The following ITPR3 variants were observed in gnomAD, a reference collection of about 807,000 sequenced individuals.
ITPR3 encodes inositol 1,4,5-trisphosphate-gated calcium channel ITPR3.
In ITPR3, 173 loss-of-function variants were observed where a neutral mutation model predicts 293.2. That is an observed-to-expected ratio of 0.59 (90% confidence interval 0.52 to 0.67). The LOEUF (loss-of-function observed/expected upper bound fraction) is 0.67, where lower values mean the gene tolerates loss of function less well. ITPR3 is among the 30% of genes least tolerant of loss of function. The probability of loss-of-function intolerance (pLI) is 0.00; values close to 1 mark genes in which losing one functional copy is unlikely to be tolerated. For missense variants in ITPR3, 2,796 were observed against 3,592.1 expected, an observed-to-expected ratio of 0.78 and a Z score of 5.66; for synonymous variants, 1,295 against 1,444.4, an observed-to-expected ratio of 0.90 and a Z score of 2.35.
chr6:33,661,181 T>C (rs1201404419), intron 7 of ITPR3, among the ~76,000 whole-genome samples: 1 of 152,240 alleles, frequency 6.6e-6, no homozygotes, highest in Non-Finnish European at 1.5e-5. Flanking sequence ...CATTCATTCA[T>C]GCATTCTTGC....
chr6:33,673,756 C>T (rs1324447697), intron 23 of ITPR3, 36 bp downstream of exon 23: 5 of 1,610,676 alleles, frequency 3.1e-6, no homozygotes, highest in Admixed American at 1.7e-5. Flanking sequence ...TGAGGCTGTG[C>T]GACTCTCCCA....
At position 33,676,919 on chromosome 6, in the gene ITPR3, A is replaced by G. The variant is rs1373945918; in HGVS notation, c.3434A>G (p.Lys1145Arg). The change falls in exon 26 of 58, where the codon AAG (lysine) becomes AGG (arginine). Residue 1145 changes from lysine (K) to arginine (R), a missense_variant. Coordinates refer to ENST00000605930, the MANE Select transcript of ITPR3 (RefSeq NM_002224.4). ...GAGGAGGTGGAGGCAGGCGCCGCCA[A>G]GGACAAGAAAGAGGTAAGTGGGGCT... ...KGEEVEAGAA[K>R]DKKERPTDEE... 1 of 1,613,992 alleles carries G rather than the reference A, an allele frequency of 6.2e-7. No homozygotes were observed. Among genetic ancestry groups the G allele is most frequent in the African/African-American group, 1.3e-5 (1 of 74,936 alleles).
Position 33,683,065 on chromosome 6 carries a change from G to T in ITPR3, c.4598-142G>T. The T allele has an allele frequency of 1.9e-6, 1 of 523,166 alleles. No homozygotes were observed. The highest frequency in any genetic ancestry group is 3.0e-6 in the Non-Finnish European group (1 of 333,766). The allele number at this position is 523,166 out of a possible 1,614,324, so 32.4% of individuals were successfully genotyped here. ...AAAGCCTCTCAGTCCCTCAAGCATA[G>T]GCCGGGGTGGGGGGGGTCTCTGTCT... On this transcript the variant is annotated intron_variant, in intron 34 of 57. Transcript: ENST00000605930. This position sits in a 1 kb window ranked among gnomAD's most constrained non-coding sequence, Gnocchi z 4.5.
In ITPR3 at chr6:33,624,749, G is replaced by A. The variant is rs531235208; in HGVS notation, c.89+3058G>A. Among the ~76,000 whole-genome samples the A allele has an allele frequency of 6.6e-6, 1 of 152,374 alleles. No homozygotes were observed. Among genetic ancestry groups the A allele is most frequent in the East Asian group, 1.9e-4 (1 of 5,188 alleles). Reference sequence around the variant, plus strand: ...CAGTAAGGGCTGGATAAAAATGAATGTGTTGAAGGCAGGGGTGGCCTTGGT... The same window carrying A: ...CAGTAAGGGCTGGATAAAAATGAATATGTTGAAGGCAGGGGTGGCCTTGGT... On this transcript the variant is annotated intron_variant, in intron 1 of 57. Coordinates refer to ENST00000605930, the MANE Select transcript of ITPR3 (RefSeq NM_002224.4). The surrounding 1 kb of genome is among the most constrained non-coding windows in gnomAD (Gnocchi z 4.7).
At position 33,670,295 on chromosome 6, in the gene ITPR3, C is replaced by T. The variant is rs199996297; in HGVS notation, c.2190-30C>T. The T allele has an allele frequency of 1.4e-4, 218 of 1,612,750 alleles. 1 individual carries two copies. Among genetic ancestry groups the T allele is most frequent in the East Asian group, 4.5e-5 (2 of 44,886 alleles). On this transcript the variant is annotated intron_variant, in intron 18 of 57. Transcript: ENST00000605930. The surrounding 1 kb of genome is among the most constrained non-coding windows in gnomAD (Gnocchi z 6.7). ...CAGCAGCCTCCCGGCTGCCATCTGCCGTGTCCTCACAGTCCTCCCTGTCCT... is the reference window on the plus strand; with the variant it reads ...CAGCAGCCTCCCGGCTGCCATCTGCTGTGTCCTCACAGTCCTCCCTGTCCT...
chr6:33,623,409 C>G (rs2151272989), intron 1 of ITPR3, among the ~76,000 whole-genome samples: 1 of 150,024 alleles, frequency 6.7e-6, no homozygotes, highest in Non-Finnish European at 1.5e-5. Flanking sequence ...TTACTGCAGC[C>G]TCGACCTCTG....
Position 33,680,436 on chromosome 6 carries a change from C to T in ITPR3, c.4332C>T (p.Phe1444=), listed in dbSNP as rs142448926. The T allele has an allele frequency of 8.7e-6, 14 of 1,613,410 alleles. No individual in the cohort carries two copies. Among genetic ancestry groups the T allele is most frequent in the Non-Finnish European group, 1.2e-5 (14 of 1,180,016 alleles). ...SNHIWTLFEN[F]TLDMARVCSK... ...ACATCTGGACGCTCTTTGAGAACTT[C>T]ACCCTGGACATGGCCCGGGTCTGTC... Residue 1444 remains phenylalanine, a synonymous_variant, in exon 32 of 58, where the codon TTC becomes TTT. Transcript: ENST00000605930.
At position 33,684,799 on chromosome 6, in the gene ITPR3, C is replaced by T. The variant is rs750999144; in HGVS notation, c.5163C>T (p.Ile1721=). The T allele has an allele frequency of 1.9e-6, 3 of 1,612,590 alleles. No individual in the cohort carries two copies. The highest frequency in any genetic ancestry group is 2.5e-6 in the Non-Finnish European group (3 of 1,179,180). Residue 1721 remains isoleucine, a synonymous_variant, in exon 39 of 58, where the codon ATC becomes ATT. Coordinates refer to ENST00000605930, the MANE Select transcript of ITPR3 (RefSeq NM_002224.4). The surrounding 1 kb of genome is among the most constrained non-coding windows in gnomAD (Gnocchi z 4.2). ...GCCTGGACCCAGACTGGTCGGCAAT[C>T]GCAGCCACCCAGTGCCGGCTGGACA... ...GTGLDPDWSA[I]AATQCRLDKE...
In ITPR3 at chr6:33,632,004, A is replaced by G. The variant is rs529286907; in HGVS notation, c.90-8480A>G. On this transcript the variant is annotated intron_variant, in intron 1 of 57. Transcript: ENST00000605930. The surrounding 1 kb of genome is among the most constrained non-coding windows in gnomAD (Gnocchi z 4.1). ...TTGTCCATGATCATCTCTATATCTA[A>G]TTTGTATTATGACTATTCTTATTCT... Among the ~76,000 whole-genome samples, 81 of 152,296 alleles carry G rather than the reference A, an allele frequency of 5.3e-4. No homozygotes were observed. The highest frequency in any genetic ancestry group is 1.9e-3 in the African/African-American group (79 of 41,550).
chr6:33,683,548 GGCT>G lies in ITPR3; in HGVS notation c.4788+155_4788+157del, dbSNP rs1765139679. ...GCTGGTTGGCTTCTCTACACTCTGGGGCTGCTAAGGGCCGACCCAGCAGCAAGG... is the reference window on the plus strand; with the variant it reads ...GCTGGTTGGCTTCTCTACACTCTGGGGCTAAGGGCCGACCCAGCAGCAAGG... On this transcript the variant is annotated intron_variant, in intron 35 of 57. Transcript: ENST00000605930. This position sits in a 1 kb window ranked among gnomAD's most constrained non-coding sequence, Gnocchi z 4.5. 11 of 685,714 alleles carry G rather than the reference GGCT, an allele frequency of 1.6e-5. No individual in the cohort carries two copies. The South Asian group carries it at 2.2e-4, about 14-fold the overall frequency. The allele number at this position is 685,714 out of a possible 1,614,324, so 42.5% of individuals were successfully genotyped here. A position where few individuals can be genotyped will look rare whatever the true frequency, so the allele number is the denominator to read the frequency against.
At position 33,691,857 on chromosome 6, in the gene ITPR3, G is replaced by A. The variant is rs775672173; in HGVS notation, c.7387G>A (p.Val2463Ile). 1.6e-5 allele frequency: 26 copies of A among 1,614,028 alleles called. No homozygotes were observed. Among genetic ancestry groups the A allele is most frequent in the Middle Eastern group, 1.6e-4 (1 of 6,084 alleles). Reference protein sequence around the residue: ...RACDTLLMCIVTVMNHGLRNG... With the variant: ...RACDTLLMCIITVMNHGLRNG... ...CTGTGACACTCTGTTGATGTGCATC[G>A]TCACTGTCATGAACCATGGGCTACG... The change falls in exon 54 of 58, where the codon GTC (valine) becomes ATC (isoleucine). Residue 2463 changes from valine to isoleucine, a missense_variant. By Grantham distance (29) the Val-to-Ile change is conservative (BLOSUM62 3). Around this residue, in one of 8 missense-constraint regions of ITPR3, gnomAD observed 568 missense variants for 796.1 expected, o/e 0.71. Coordinates refer to ENST00000605930, the MANE Select transcript of ITPR3 (RefSeq NM_002224.4). This position sits in a 1 kb window ranked among gnomAD's most constrained non-coding sequence, Gnocchi z 4.9.
Position 33,687,125 on chromosome 6 carries a change from A to G in ITPR3, c.6075+21A>G. 2 of 1,611,544 alleles carry G rather than the reference A, an allele frequency of 1.2e-6. No homozygotes were observed. Among genetic ancestry groups the G allele is most frequent in the South Asian group, 2.2e-5 (2 of 90,978 alleles). ...AGCTGGTGAGGCTGGGCAGGTGGGC[A>G]GGCGGGCGGAACCAGGTGGAGTGTG... On this transcript the variant is annotated intron_variant, in intron 44 of 57. Transcript: ENST00000605930. The surrounding 1 kb of genome is among the most constrained non-coding windows in gnomAD (Gnocchi z 5.3).
rs142357169 is a variant in ITPR3, at chr6:33,673,601, A to G, written c.2939A>G (p.Asn980Ser). ...TCCTCTCTTCTCCAGTTCATCCTCAATGTCCGCCTGGATTACCGCATATCC... is the reference window on the plus strand; with the variant it reads ...TCCTCTCTTCTCCAGTTCATCCTCAGTGTCCGCCTGGATTACCGCATATCC... ...KILEILQFIL[N>S]VRLDYRISYL... Residue 980 changes from asparagine to serine, a missense_variant, in exon 23 of 58, where the codon AAT becomes AGT. Physicochemically the swap from Asn to Ser is conservative, Grantham distance 46 (BLOSUM62 1). Transcript: ENST00000605930. The G allele has an allele frequency of 3.0e-5, 49 of 1,613,984 alleles. No individual in the cohort carries two copies. In the East Asian group the frequency reaches 1.1e-3, roughly 36 times the overall value.
At position 33,690,059 on chromosome 6, in the gene ITPR3, T is replaced by A; in HGVS notation, c.6893T>A (p.Val2298Glu). Residue 2298 changes from valine to glutamate, a missense_variant, in exon 51 of 58, where the codon GTG (valine) becomes GAG (glutamate). Transcript: ENST00000605930. ...LNLTNKIVFV[V>E]SFVGNRGTFI... ...CTGACCAACAAGATCGTGTTTGTGG[T>A]GAGCTTCGTGGGCAACCGTGGCACC... 1 of 1,613,652 alleles carries A rather than the reference T, an allele frequency of 6.2e-7. No individual in the cohort carries two copies. The highest frequency in any genetic ancestry group is 8.5e-7 in the Non-Finnish European group (1 of 1,179,568).
chr6:33,671,707 G>A (rs771554667), intron 21 of ITPR3, among the ~76,000 whole-genome samples: 1 of 152,190 alleles, frequency 6.6e-6, no homozygotes, highest in Non-Finnish European at 1.5e-5. Context: ...CCTGGCACTG[G>A]TTTTCGGGGC....
chr6:33,689,303 C>G lies in ITPR3; in HGVS notation c.6760C>G (p.Leu2254Val). 1 of 1,612,732 alleles carries G rather than the reference C, an allele frequency of 6.2e-7. No individual in the cohort carries two copies. Among genetic ancestry groups the G allele is most frequent in the Admixed American group, 1.7e-5 (1 of 60,020 alleles). Residue 2254 changes from leucine (L) to valine (V), a missense_variant, in exon 50 of 58, where the codon CTG becomes GTG. Coordinates refer to ENST00000605930, the MANE Select transcript of ITPR3 (RefSeq NM_002224.4). ...CCTCATCTGCTTCTCCATCGCGGCC[C>G]TGTTCACCAAGCGCTACAGCATCCG... ...WILICFSIAA[L>V]FTKRYSIRPL...
chr6:33,649,282 A>G (rs1050441381), intron 2 of ITPR3, among the ~76,000 whole-genome samples: 2 of 151,446 alleles, frequency 1.3e-5, no homozygotes, highest in East Asian at 2.0e-4. Flanking sequence ...CTAGAATGCA[A>G]TGGTGCGATC....
chr6:33,623,326 G>GTTTTT (rs60711686), intron 1 of ITPR3, among the ~76,000 whole-genome samples: 2 of 137,434 alleles, frequency 1.5e-5, no homozygotes, highest in Admixed American at 7.5e-5. Flanking sequence ...TGTGAGTTTT[G>GTTTTT]TTTTTTTTTT....
intron 1 of ITPR3, among the ~76,000 whole-genome samples, chr6:33,631,398 C>A (rs1763675554): frequency 6.6e-6 from 1 of 152,174 alleles, no homozygotes; most frequent in East Asian, 1.9e-4. Flanking sequence ...CAAGGTGAAG[C>A]AAGTCATGTG....
Sources: allele counts gnomAD v4.1 joint callset (sites outside exome capture counted in the v4.1 genomes callset), GRCh38; gene constraint gnomAD v4.1.1; regional missense constraint gnomAD v4.1.1; non-coding constraint Gnocchi (gnomAD v3.1); transcripts MANE v1.5; gene names NCBI Gene and HGNC (gene_info 2026-07-23, HGNC 2026-07-21).